The following PDE1A variants were observed in gnomAD, a reference collection of about 807,000 sequenced individuals.
The protein encoded by PDE1A is dual specificity calcium/calmodulin-dependent 3',5'-cyclic nucleotide phosphodiesterase 1A.
Under a neutral mutation model 61.7 loss-of-function variants are expected in PDE1A, and 35 were observed. The observed-to-expected ratio is 0.57, with a 90% confidence interval of 0.43 to 0.75. The LOEUF is 0.75. Ranked by LOEUF, PDE1A falls within the 30% of genes least tolerant of loss-of-function variation. The pLI, the probability that PDE1A is intolerant of heterozygous loss-of-function variation, is 0.00. For missense variants in PDE1A, 597 were observed against 630.6 expected (o/e 0.95, Z 0.57); for synonymous variants, 232 against 213.2 (o/e 1.09, Z -0.77).
chr2:182,466,471 A>G (rs1261419510), intron 2 of PDE1A, among the ~76,000 whole-genome samples: 1 of 151,992 alleles, frequency 6.6e-6, no homozygotes, highest in Non-Finnish European at 1.5e-5. Context: ...GAAATTGGGG[A>G]AATTGAGGAG....
chr2:182,597,170 A>AT, the PDE1A span, among the ~76,000 whole-genome samples: 115 of 142,102 alleles, frequency 8.1e-4, no homozygotes, highest in East Asian at 0.018. Flanking sequence ...AAAAAAAAAA[A>AT]TTTTTTTTTT....
chr2:182,292,118 A>C (rs1309800616), intron 1 of PDE1A, among the ~76,000 whole-genome samples: 1 of 152,102 alleles, frequency 6.6e-6, no homozygotes, highest in Non-Finnish European at 1.5e-5. Context: ...TTCTTTTTGA[A>C]ATATTCATAT....
chr2:182,156,542 T>C (rs1031727148), intron 13 of PDE1A, among the ~76,000 whole-genome samples: 2 of 152,152 alleles, frequency 1.3e-5, no homozygotes, highest in Admixed American at 1.3e-4. Context: ...AGCACAACAG[T>C]GAAGTTTCCA....
At chr2:182,142,123 AACACACACACACACACACAC>A (rs59139983), downstream of PDE1A, 1 of 146,212 alleles carries the variant, frequency 6.8e-6, no homozygotes, top group Non-Finnish European at 1.5e-5. Context: ...GACATTTTTG[AACACACACACACACACACAC>A]ACACACACAC....
intron 2 of PDE1A, among the ~76,000 whole-genome samples, chr2:182,515,958 G>C (rs1426150986): frequency 9.2e-5 from 2 of 21,672 alleles, no homozygotes; most frequent in African/African-American, 4.1e-4. Flanking sequence ...GTGTTTCTGT[G>C]TGTGTGTGTG....
chr2:182,545,238 T>C, the PDE1A span, among the ~76,000 whole-genome samples: 5 of 152,230 alleles, frequency 3.3e-5, no homozygotes, highest in Admixed American at 6.5e-5. Context: ...ACCTTCTTCA[T>C]GGCTCCGGAT....
chr2:182,713,687 G>C, the PDE1A span, among the ~76,000 whole-genome samples: 1 of 152,070 alleles, frequency 6.6e-6, no homozygotes, highest in Non-Finnish European at 1.5e-5. Flanking sequence ...ATCCATCTGT[G>C]CTCTTGACTC....
chr2:182,219,579 A>G (rs1436374560), intron 7 of PDE1A, among the ~76,000 whole-genome samples: 1 of 152,132 alleles, frequency 6.6e-6, no homozygotes, highest in Non-Finnish European at 1.5e-5. Flanking sequence ...CAAGTTTGCT[A>G]CCACTTACCC....
chr2:182,532,255 T>A, the PDE1A span, among the ~76,000 whole-genome samples: 45 of 152,280 alleles, frequency 3.0e-4, no homozygotes, highest in Non-Finnish European at 3.4e-4. Flanking sequence ...ATATACCCAA[T>A]ACAAAGAAAG....
At chr2:182,647,077 T>C in the PDE1A span, among the ~76,000 whole-genome samples, 1 of 152,218 alleles carries the variant, frequency 6.6e-6, no homozygotes, top group African/African-American at 2.4e-5. Context: ...TTCTTTGTTT[T>C]TAACAATGTT....
At chr2:182,437,696 T>A (rs1472248557) in intron 2 of PDE1A, among the ~76,000 whole-genome samples, 1 of 151,874 alleles carries the variant, frequency 6.6e-6, no homozygotes, top group Non-Finnish European at 1.5e-5. Context: ...TTCACCAGAG[T>A]CCACAGAATT....
chr2:182,233,080 C>T (rs1251505102), intron 4 of PDE1A, among the ~76,000 whole-genome samples: 2 of 152,114 alleles, frequency 1.3e-5, no homozygotes. Context: ...ACTACATTCT[C>T]TCATACTAAA....
exon 14 of PDE1A, chr2:182,168,219 C>G: frequency 6.4e-7 from 1 of 1,572,706 alleles, no homozygotes; most frequent in Non-Finnish European, 8.6e-7. Flanking sequence ...AGAGCTGCCA[C>G]CATGCACGAG....
intron 1 of PDE1A, among the ~76,000 whole-genome samples, chr2:182,363,633 G>A (rs1426605134): frequency 1.3e-5 from 2 of 152,018 alleles, no homozygotes; most frequent in Non-Finnish European, 2.9e-5. Context: ...GTTTGAGGAA[G>A]AGTGAAAATT....
intron 2 of PDE1A, among the ~76,000 whole-genome samples, chr2:182,250,621 C>T (rs2125728962): frequency 6.6e-6 from 1 of 152,198 alleles, no homozygotes; most frequent in Non-Finnish European, 1.5e-5. Context: ...GTTAGCCTCT[C>T]CTCGACCCAA....
At chr2:182,238,277 A>AAAG (rs1553548534) in intron 3 of PDE1A, among the ~76,000 whole-genome samples, 16 of 150,808 alleles carry the variant, frequency 1.1e-4, no homozygotes, top group South Asian at 1.0e-3. Flanking sequence ...AAAAAAAAAA[A>AAAG]AAAAAGAAAA....
chr2:182,619,138 T>C, the PDE1A span, among the ~76,000 whole-genome samples: 25 of 152,156 alleles, frequency 1.6e-4, no homozygotes, highest in African/African-American at 6.0e-4. Flanking sequence ...TTCTTGCAAT[T>C]ATAATTTCTC....
intron 2 of PDE1A, among the ~76,000 whole-genome samples, chr2:182,503,232 T>C (rs1689202195): frequency 6.6e-6 from 1 of 152,166 alleles, no homozygotes; most frequent in Non-Finnish European, 1.5e-5. Flanking sequence ...TACAGAACCT[T>C]CACGTGGACA....
At chr2:182,681,163 T>G in the PDE1A span, among the ~76,000 whole-genome samples, 3 of 152,030 alleles carry the variant, frequency 2.0e-5, no homozygotes, top group South Asian at 2.1e-4. Flanking sequence ...TTTTGTTTTT[T>G]TTTTTTTGTG....
Sources: gnomAD v4.1 joint callset for allele counts (sites outside exome capture counted in the v4.1 genomes callset) on GRCh38, gnomAD v4.1.1 for gene constraint, MANE v1.5 for transcripts, NCBI Gene and HGNC (gene_info 2026-07-23, HGNC 2026-07-21) for gene names.